The following FUT8 variants were observed in gnomAD, a reference collection of about 807,000 sequenced individuals.
FUT8 encodes the protein fucosyltransferase 8, also known as alpha-(1,6)-fucosyltransferase.
Under a neutral mutation model 71.3 loss-of-function variants are expected in FUT8, and 29 were observed. The ratio of observed to expected loss-of-function variants is 0.41; its 90% confidence interval spans 0.30 to 0.55. The LOEUF (loss-of-function observed/expected upper bound fraction) is 0.55, where lower values mean the gene tolerates loss of function less well. FUT8 is among the 20% of genes least tolerant of loss of function. The probability of loss-of-function intolerance (pLI) is 0.34; values close to 1 mark genes in which losing one functional copy is unlikely to be tolerated. For missense variants in FUT8, 544 were observed against 702.1 expected (o/e 0.77, Z 2.55); for synonymous variants, 254 against 239.3 (o/e 1.06, Z -0.57).
chr14:65,590,956 T>A (rs1385490092), intron 3 of FUT8, among the ~76,000 whole-genome samples: 2 of 152,204 alleles, frequency 1.3e-5, no homozygotes, highest in Non-Finnish European at 2.9e-5. Context: ...TGGTTTTGAC[T>A]TGGCAAAATG....
chr14:65,458,304 A>G (rs917941161), intron 2 of FUT8: 1 of 152,156 alleles, frequency 6.6e-6, no homozygotes, highest in Non-Finnish European at 1.5e-5. Context: ...CAAGCCTCAT[A>G]TAGGTAGCTT....
chr14:65,729,836 G>A (rs774264902), intron 9 of FUT8, among the ~76,000 whole-genome samples: 7 of 152,148 alleles, frequency 4.6e-5, no homozygotes, highest in Non-Finnish European at 7.3e-5. Context: ...CCCTGCCAGT[G>A]GTAGTCCAGG....
chr14:65,699,068 A>C (rs1894144365), intron 7 of FUT8, among the ~76,000 whole-genome samples: 1 of 151,980 alleles, frequency 6.6e-6, no homozygotes, highest in Admixed American at 6.6e-5. Flanking sequence ...AACTCTCCAC[A>C]GCCCATCTAA....
chr14:65,693,051 C>T lies in FUT8; in HGVS notation c.835+23571C>T, dbSNP rs1242941713. ...GGCAGCCAGGCAGAGGGGCTCCTCA[C>T]ATCCCAGACAATGGGCAGCCAGGCA... On this transcript the variant is annotated intron_variant, in intron 7 of 10. Transcript: ENST00000673929. Among the ~76,000 whole-genome samples the T allele has an allele frequency of 3.3e-5, 5 of 152,206 alleles. No homozygotes were observed. In the East Asian group the frequency reaches 7.8e-4, roughly 24 times the overall value.
rs1269271755 is a variant in FUT8 at position 65,742,249 on chromosome 14, A to G, written c.1567A>G (p.Met523Val). The G allele has an allele frequency of 1.9e-6, 3 of 1,613,094 alleles. No homozygotes were observed. Among genetic ancestry groups the G allele is most frequent in the East Asian group, 2.2e-5 (1 of 44,832 alleles). Reference sequence around the variant, plus strand: ...ACCCCGAACTGCAGATGAAATTCCCATGGAACCTGGAGATATCATTGGTGT... The same window carrying G: ...ACCCCGAACTGCAGATGAAATTCCCGTGGAACCTGGAGATATCATTGGTGT... ...HQPRTADEIPMEPGDIIGVAG... is the reference protein window; with the variant it reads ...HQPRTADEIPVEPGDIIGVAG... Residue 523 changes from methionine to valine, a missense_variant, in exon 11 of 11, where the codon ATG becomes GTG. Transcript: ENST00000673929.
chr14:65,661,109 G>C (rs1184471130), intron 6 of FUT8, among the ~76,000 whole-genome samples: 4 of 152,110 alleles, frequency 2.6e-5, no homozygotes, highest in African/African-American at 9.7e-5. Context: ...CTGGAAATAG[G>C]AGCTATCTTT....
intron 6 of FUT8, among the ~76,000 whole-genome samples, chr14:65,668,838 A>G (rs1892339810): frequency 6.6e-6 from 1 of 152,244 alleles, no homozygotes; most frequent in Non-Finnish European, 1.5e-5. Context: ...ATCATGGAAT[A>G]GTATGAAGCC....
At chr14:65,602,282 C>G (rs1474249659) in intron 3 of FUT8, among the ~76,000 whole-genome samples, 1 of 139,236 alleles carries the variant, frequency 7.2e-6, no homozygotes, top group African/African-American at 2.7e-5. Context: ...CCAGTTCCAT[C>G]TAGGATGCTG....
intron 6 of FUT8, among the ~76,000 whole-genome samples, chr14:65,657,268 G>A (rs1351087011): frequency 1.3e-5 from 2 of 152,092 alleles, no homozygotes; most frequent in African/African-American, 2.4e-5. Flanking sequence ...CAGTTTGGGC[G>A]TTCCTCATAA....
intron 2 of FUT8, among the ~76,000 whole-genome samples, chr14:65,532,916 G>A (rs567413188): frequency 3.3e-5 from 5 of 152,284 alleles, no homozygotes; most frequent in Non-Finnish European, 5.9e-5. Context: ...GCTTGTTTTT[G>A]TAGGCTTTGT....
intron 3 of FUT8, among the ~76,000 whole-genome samples, chr14:65,615,580 T>A (rs1889236713): frequency 6.6e-6 from 1 of 152,218 alleles, no homozygotes; most frequent in South Asian, 2.1e-4. Context: ...AGACACATGT[T>A]CAGATATGCT....
intron 1 of FUT8, among the ~76,000 whole-genome samples, chr14:65,415,718 T>TA (rs1194597991): frequency 2.0e-5 from 3 of 147,688 alleles, no homozygotes; most frequent in Middle Eastern, 3.4e-3. Context: ...ATAATTCCAA[T>TA]AAAAAAATGG....
chr14:65,591,704 A>G (rs754828466), intron 3 of FUT8, among the ~76,000 whole-genome samples: 1 of 152,106 alleles, frequency 6.6e-6, no homozygotes, highest in Non-Finnish European at 1.5e-5. Context: ...CTCAGGTAGT[A>G]TAGTTTGAAG....
In FUT8 at chr14:65,669,331, A is replaced by G. The variant is rs762117448; in HGVS notation, c.686A>G (p.Tyr229Cys). The change falls in exon 7 of 11, where the codon TAC becomes TGC. Residue 229 changes from tyrosine (Y) to cysteine (C), a missense_variant. Physicochemically the swap from Tyr to Cys is radical, Grantham distance 194. Coordinates refer to ENST00000673929, the MANE Select transcript of FUT8 (RefSeq NM_001371533.1). The surrounding 1 kb of genome is among the most constrained non-coding windows in gnomAD (Gnocchi z 4.5). Reference protein sequence around the residue: ...GYGCQLHHVVYCFMIAYGTQR... With the variant: ...GYGCQLHHVVCCFMIAYGTQR... ...GGCTGTCAGCTCCATCATGTGGTCT[A>G]CTGCTTCATGATTGCATATGGCACC... 1.2e-6 allele frequency: 2 copies of G among 1,613,932 alleles called. No homozygotes were observed. The highest frequency in any genetic ancestry group is 2.2e-5 in the East Asian group (1 of 44,888).
intron 2 of FUT8, among the ~76,000 whole-genome samples, chr14:65,512,506 G>A (rs1035027092): frequency 1.3e-5 from 2 of 152,216 alleles, no homozygotes; most frequent in East Asian, 1.9e-4. Flanking sequence ...TATGCAGTTC[G>A]TTGTTGATTA....
intron 3 of FUT8, among the ~76,000 whole-genome samples, chr14:65,601,835 T>C (rs527353013): frequency 1.3e-5 from 2 of 152,282 alleles, no homozygotes; most frequent in African/African-American, 4.8e-5. Flanking sequence ...CAAATATATA[T>C]GTAAAGCTCA....
intron 2 of FUT8, among the ~76,000 whole-genome samples, chr14:65,518,731 G>A (rs755808513): frequency 6.6e-6 from 1 of 151,930 alleles, no homozygotes; most frequent in African/African-American, 2.4e-5. Context: ...TTCGCCATGG[G>A]CCTGTCTCAA....
chr14:65,514,870 A>G (rs770318822), intron 2 of FUT8, among the ~76,000 whole-genome samples: 10 of 152,246 alleles, frequency 6.6e-5, no homozygotes, highest in Admixed American at 3.3e-4. Flanking sequence ...GATAATGCCT[A>G]CCTTACAAAT....
chr14:65,624,399 C>A (rs569072639), intron 5 of FUT8, among the ~76,000 whole-genome samples: 21 of 151,676 alleles, frequency 1.4e-4, no homozygotes, highest in Admixed American at 1.1e-3. Context: ...CTGATGTAAA[C>A]TTGGTAAAAA....
Sources: gnomAD v4.1 joint callset for allele counts (sites outside exome capture counted in the v4.1 genomes callset) on GRCh38, gnomAD v4.1.1 for gene constraint, Gnocchi (gnomAD v3.1) non-coding constraint, MANE v1.5 for transcripts, NCBI Gene and HGNC (gene_info 2026-07-23, HGNC 2026-07-21) for gene names.